The following TRABD2B variants were observed in gnomAD, a reference collection of about 807,000 sequenced individuals.
TRABD2B encodes the protein TraB domain containing 2B.
In TRABD2B, 14 loss-of-function variants were observed where a neutral mutation model predicts 40.1. The observed-to-expected ratio is 0.35, with a 90% CI of 0.23 to 0.55. TRABD2B has a LOEUF of 0.55. Ranked by LOEUF, TRABD2B falls within the 20% of genes least tolerant of loss-of-function variation. TRABD2B has a pLI of 0.90. For synonymous variants in TRABD2B, 263 were observed against 277.0 expected (o/e 0.95, Z 0.50); for missense variants, 541 against 648.6 (o/e 0.83, Z 1.80).
At chr1:47,947,200 T>C (rs1645271306) in intron 2 of TRABD2B, among the ~76,000 whole-genome samples, 1 of 152,220 alleles carries the variant, frequency 6.6e-6, no homozygotes, top group African/African-American at 2.4e-5. Flanking sequence ...CCACCTTATT[T>C]TGTCATCTCT....
intron 2 of TRABD2B, among the ~76,000 whole-genome samples, chr1:47,910,178 G>A (rs1316810923): frequency 1.3e-5 from 2 of 152,018 alleles, no homozygotes; most frequent in South Asian, 2.1e-4. Flanking sequence ...GTTTCAACAT[G>A]AGATTTGGTG....
intron 2 of TRABD2B, among the ~76,000 whole-genome samples, chr1:47,934,354 C>T (rs1194701863): frequency 2.0e-5 from 3 of 152,228 alleles, no homozygotes; most frequent in African/African-American, 7.2e-5. Flanking sequence ...CCCACAGTCC[C>T]TGCAGGCACA....
chr1:47,823,847 G>T (rs1645141659), intron 2 of TRABD2B, among the ~76,000 whole-genome samples: 1 of 152,300 alleles, frequency 6.6e-6, no homozygotes, highest in Non-Finnish European at 1.5e-5. Flanking sequence ...CTTTCTGTGG[G>T]GTAGCCATGA....
chr1:47,901,261 C>T (rs974457015), intron 2 of TRABD2B, among the ~76,000 whole-genome samples: 1 of 152,198 alleles, frequency 6.6e-6, no homozygotes, highest in African/African-American at 2.4e-5. Flanking sequence ...ACAAGTTCTT[C>T]TGCCTGGAGG....
chr1:47,861,887 C>T (rs1282365782), intron 2 of TRABD2B, among the ~76,000 whole-genome samples: 1 of 151,924 alleles, frequency 6.6e-6, no homozygotes, highest in African/African-American at 2.4e-5. Context: ...AAATTGAATC[C>T]AATAATGTAT....
At chr1:47,926,090 A>G (rs1276306636) in intron 2 of TRABD2B, among the ~76,000 whole-genome samples, 1 of 152,254 alleles carries the variant, frequency 6.6e-6, no homozygotes, top group Non-Finnish European at 1.5e-5. Context: ...ATGTGGACAC[A>G]GTATCAAGTG....
chr1:47,895,521 C>T (rs1324464974), intron 2 of TRABD2B, among the ~76,000 whole-genome samples: 1 of 152,166 alleles, frequency 6.6e-6, no homozygotes, highest in African/African-American at 2.4e-5. Flanking sequence ...TCAGGTTGCC[C>T]TCAGGTCTCG....
At chr1:47,782,907 C>T (rs1644544903) in intron 4 of TRABD2B, among the ~76,000 whole-genome samples, 1 of 152,216 alleles carries the variant, frequency 6.6e-6, no homozygotes, top group Non-Finnish European at 1.5e-5. Flanking sequence ...GTCTCCTGGC[C>T]ACGGCTCAGC....
intron 2 of TRABD2B, among the ~76,000 whole-genome samples, chr1:47,900,164 G>A (rs976079914): frequency 2.0e-5 from 3 of 152,120 alleles, no homozygotes; most frequent in Non-Finnish European, 4.4e-5. Context: ...GAGGGGGTGT[G>A]GGGGAGGAGG....
intron 2 of TRABD2B, among the ~76,000 whole-genome samples, chr1:47,846,381 G>A (rs975876761): frequency 1.3e-5 from 2 of 152,242 alleles, no homozygotes; most frequent in African/African-American, 4.8e-5. Context: ...CCTGGGCAGT[G>A]AGAAGGAGCT....
At chr1:47,868,411 G>A (rs1034123452) in intron 2 of TRABD2B, among the ~76,000 whole-genome samples, 2 of 152,134 alleles carry the variant, frequency 1.3e-5, no homozygotes, top group Non-Finnish European at 2.9e-5. Context: ...ACTCTAAAGC[G>A]GGGTCCCCAA....
intron 2 of TRABD2B, among the ~76,000 whole-genome samples, chr1:47,825,025 C>T (rs999461978): frequency 3.3e-5 from 5 of 152,200 alleles, no homozygotes; most frequent in Admixed American, 6.5e-5. Context: ...ATTTTACCCA[C>T]GGGGGAATCT....
At chr1:47,846,232 T>C (rs938010794) in intron 2 of TRABD2B, among the ~76,000 whole-genome samples, 11 of 152,246 alleles carry the variant, frequency 7.2e-5, no homozygotes, top group African/African-American at 1.2e-4. Flanking sequence ...TACAGGAAAG[T>C]TGAAGTGGCT....
At chr1:47,913,831 T>C (rs1342741757) in intron 2 of TRABD2B, among the ~76,000 whole-genome samples, 2 of 152,198 alleles carry the variant, frequency 1.3e-5, no homozygotes, top group East Asian at 1.9e-4. Context: ...GAGCCTTCTA[T>C]GTGCCTACAC....
At position 47,996,622 on chromosome 1, in the gene TRABD2B, A is replaced by G. The variant is rs1007847233; in HGVS notation, c.102+66T>C. On this transcript the variant is annotated intron_variant, in intron 1 of 6. Coordinates refer to ENST00000606738, the MANE Select transcript of TRABD2B (RefSeq NM_001194986.2). The surrounding 1 kb of genome is among the most constrained non-coding windows in gnomAD (Gnocchi z 4.6). ...AGGTGGGTGCGGAAGCAGGACCCAAACCATGGTCCCACGGGACTAGAATAC... is the reference window on the plus strand; with the variant it reads ...AGGTGGGTGCGGAAGCAGGACCCAAGCCATGGTCCCACGGGACTAGAATAC... The G allele has an allele frequency of 1.7e-5, 20 of 1,211,762 alleles. No homozygotes were observed. The highest frequency in any genetic ancestry group is 1.8e-5 in the Non-Finnish European group (18 of 973,642). The allele number at this position is 1,211,762 out of a possible 1,614,324, so 75.1% of individuals were successfully genotyped here.
intron 2 of TRABD2B, among the ~76,000 whole-genome samples, chr1:47,836,570 C>G (rs1645321069): frequency 6.6e-6 from 1 of 152,198 alleles, no homozygotes; most frequent in African/African-American, 2.4e-5. Context: ...TGTTGGTATC[C>G]AAGAAATGTT....
intron 2 of TRABD2B, among the ~76,000 whole-genome samples, chr1:47,881,576 A>T (rs1644304853): frequency 6.6e-6 from 1 of 152,230 alleles, no homozygotes; most frequent in South Asian, 2.1e-4. Context: ...CCAAAGGCAC[A>T]GTTCTAGCAA....
intron 4 of TRABD2B, among the ~76,000 whole-genome samples, chr1:47,779,362 G>A (rs1644489756): frequency 6.6e-6 from 1 of 152,322 alleles, no homozygotes; most frequent in South Asian, 2.1e-4. Context: ...AGAGGGGCTG[G>A]CCTCCATGTC....
At chr1:47,954,697 T>C (rs1645393674) in intron 2 of TRABD2B, among the ~76,000 whole-genome samples, 3 of 152,142 alleles carry the variant, frequency 2.0e-5, no homozygotes, top group African/African-American at 7.2e-5. Context: ...GAGAATGGAT[T>C]TCAGCAGAGG....
Sources: gnomAD v4.1 joint callset for allele counts (sites outside exome capture counted in the v4.1 genomes callset) on GRCh38, gnomAD v4.1.1 for gene constraint, Gnocchi (gnomAD v3.1) non-coding constraint, MANE v1.5 for transcripts, NCBI Gene and HGNC (gene_info 2026-07-23, HGNC 2026-07-21) for gene names.